Variants in NEDD4L observed in about 807,000 individuals in gnomAD.
The protein encoded by NEDD4L is NEDD4 like E3 ubiquitin protein ligase.
Under a neutral mutation model 148.9 loss-of-function variants are expected in NEDD4L, and 54 were observed. The ratio of observed to expected loss-of-function variants is 0.36; its 90% confidence interval spans 0.29 to 0.45. The LOEUF (loss-of-function observed/expected upper bound fraction) is 0.45. Among genes scored for constraint, NEDD4L ranks in the 20% least tolerant of loss-of-function variants. The pLI, the probability that NEDD4L is intolerant of heterozygous loss-of-function variation, is 1.00. For synonymous variants in NEDD4L, 433 were observed against 440.7 expected, an observed-to-expected ratio of 0.98 and a Z score of 0.22; for missense variants, 856 against 1,233.8, an observed-to-expected ratio of 0.69 and a Z score of 4.59.
chr18:58,223,306 A>G (rs2043975455), intron 2 of NEDD4L, among the ~76,000 whole-genome samples: 1 of 152,138 alleles, frequency 6.6e-6, no homozygotes, highest in Admixed American at 6.5e-5. Context: ...AAAACGACAC[A>G]TTTGGGACAT....
At chr18:58,271,580 G>A (rs2051048209) in intron 5 of NEDD4L, among the ~76,000 whole-genome samples, 1 of 152,058 alleles carries the variant, frequency 6.6e-6, no homozygotes, top group African/African-American at 2.4e-5. Context: ...AAGAAATTAA[G>A]GATTATTTTA....
chr18:58,173,361 A>G (rs1245502443), intron 2 of NEDD4L, among the ~76,000 whole-genome samples: 1 of 152,236 alleles, frequency 6.6e-6, no homozygotes, highest in Non-Finnish European at 1.5e-5. Flanking sequence ...AGGTTGCAAG[A>G]CATTCATTCA....
chr18:58,214,724 T>C (rs1222129270), intron 2 of NEDD4L, among the ~76,000 whole-genome samples: 2 of 151,692 alleles, frequency 1.3e-5, no homozygotes, highest in African/African-American at 2.4e-5. Flanking sequence ...TTTCTCTAAT[T>C]AATAGATCTA....
rs1175104478 is a variant in NEDD4L at position 58,398,611 on chromosome 18, C to T, written c.*2342C>T. ...AATTGTGAGTGACACCTCAGTTCAT[C>T]AACCCCTTAATAATATCAGCTTAAT... On this transcript the variant is annotated 3_prime_UTR_variant, in exon 31 of 31. Coordinates refer to ENST00000400345, the MANE Select transcript of NEDD4L (RefSeq NM_001144967.3). 1 of 152,226 alleles carries T rather than the reference C, an allele frequency of 6.6e-6. No individual in the cohort carries two copies. The highest frequency in any genetic ancestry group is 1.5e-5 in the Non-Finnish European group (1 of 68,048). The allele number at this position is 152,226 out of a possible 1,614,324, so 9.4% of individuals were successfully genotyped here.
At chr18:58,131,556 T>G (rs1417762066) in intron 1 of NEDD4L, among the ~76,000 whole-genome samples, 5 of 137,730 alleles carry the variant, frequency 3.6e-5, no homozygotes, top group Non-Finnish European at 3.1e-5. Flanking sequence ...CTGTGGCGGT[T>G]TTGGGCTCTG....
chr18:58,372,285 T>G (rs965169924), intron 23 of NEDD4L: 8 of 147,420 alleles, frequency 5.4e-5, no homozygotes, highest in Admixed American at 4.1e-4. Context: ...GCTAATTTCT[T>G]TTTTTTTTTT....
chr18:58,232,891 G>A lies in NEDD4L; in HGVS notation c.123-12536G>A, dbSNP rs141441307. Among the ~76,000 whole-genome samples the A allele has an allele frequency of 5.4e-3, 815 of 152,280 alleles. 3 individuals are homozygous for A. The highest frequency in any genetic ancestry group is 0.015 in the African/African-American group (634 of 41,556). Reference sequence around the variant, plus strand: ...GAATTCTAGGATTTCACAGGTAGGCGTGTGTTTTGGACTGCAGGCTGAACG... The same window carrying A: ...GAATTCTAGGATTTCACAGGTAGGCATGTGTTTTGGACTGCAGGCTGAACG... On this transcript the variant is annotated intron_variant, in intron 2 of 30. Transcript: ENST00000400345.
intron 18 of NEDD4L, 123 bp downstream of exon 18, chr18:58,351,168 A>C (rs1011636931): frequency 4.6e-6 from 7 of 1,515,186 alleles, no homozygotes; most frequent in Non-Finnish European, 3.6e-6. Flanking sequence ...TATGTGGAGA[A>C]AATGATACCA....
At chr18:58,140,624 A>C (rs779950575) in intron 1 of NEDD4L, among the ~76,000 whole-genome samples, 4 of 152,228 alleles carry the variant, frequency 2.6e-5, no homozygotes, top group Non-Finnish European at 5.9e-5. Flanking sequence ...CTTTATAGTA[A>C]TGAGTGGATT....
chr18:58,171,747 C>T (rs1221431934), intron 2 of NEDD4L, among the ~76,000 whole-genome samples: 1 of 152,226 alleles, frequency 6.6e-6, no homozygotes, highest in Admixed American at 6.5e-5. Flanking sequence ...GCATCTCTCC[C>T]AAGCATCTAG....
chr18:58,151,959 A>G (rs2034825110), intron 1 of NEDD4L, among the ~76,000 whole-genome samples: 1 of 152,150 alleles, frequency 6.6e-6, no homozygotes, highest in African/African-American at 2.4e-5. Flanking sequence ...GTGTGATGAA[A>G]TGGAGCATCA....
Position 58,213,969 on chromosome 18 carries a change from G to T in NEDD4L, c.123-31458G>T, listed in dbSNP as rs565592778. ...CCCCTTTTTCACTGGAATGTGCCAG[G>T]TTGAAGCAATATGTAGGGCCCGGTG... On this transcript the variant is annotated intron_variant, in intron 2 of 30. Transcript: ENST00000400345. Among the ~76,000 whole-genome samples the T allele has an allele frequency of 7.9e-5, 12 of 152,282 alleles. No individual in the cohort carries two copies. In the East Asian group the frequency reaches 1.7e-3, roughly 22 times the overall value.
intron 1 of NEDD4L, among the ~76,000 whole-genome samples, chr18:58,055,270 A>G (rs1009981316): frequency 3.9e-5 from 6 of 152,202 alleles, no homozygotes; most frequent in Non-Finnish European, 8.8e-5. Context: ...CAGCCTGGGC[A>G]ACATAGTGAG....
intron 1 of NEDD4L, among the ~76,000 whole-genome samples, chr18:58,155,959 T>C (rs2035437692): frequency 6.6e-6 from 1 of 152,218 alleles, no homozygotes; most frequent in African/African-American, 2.4e-5. Flanking sequence ...TCTCGATGTC[T>C]AATGAGACAG....
intron 1 of NEDD4L, among the ~76,000 whole-genome samples, chr18:58,119,991 GC>G (rs1481639976): frequency 8.5e-5 from 13 of 152,192 alleles, no homozygotes; most frequent in South Asian, 6.2e-4. Context: ...TGTGGAGCAA[GC>G]CATCTGATAA....
At chr18:58,166,328 C>A (rs1225981367) in intron 2 of NEDD4L, among the ~76,000 whole-genome samples, 1 of 152,168 alleles carries the variant, frequency 6.6e-6, no homozygotes, top group African/African-American at 2.4e-5. Context: ...CTAGAAGTAC[C>A]AGCAGGGAAG....
chr18:58,068,478 CATG>C (rs2082719756), intron 1 of NEDD4L, among the ~76,000 whole-genome samples: 1 of 152,176 alleles, frequency 6.6e-6, no homozygotes, highest in Admixed American at 6.5e-5. Flanking sequence ...GGATTACAGG[CATG>C]AGCCACCGCT....
At chr18:58,045,254 C>G (rs2081522629) in intron 1 of NEDD4L, 1 of 397,316 alleles carries the variant, frequency 2.5e-6, no homozygotes, top group African/African-American at 2.1e-5. Flanking sequence ...TGTCCCTCCC[C>G]TCGTTTTGCA....
At chr18:58,384,885 G>A (rs947585421) in intron 25 of NEDD4L, among the ~76,000 whole-genome samples, 4 of 152,208 alleles carry the variant, frequency 2.6e-5, no homozygotes, top group Admixed American at 6.5e-5. Context: ...TTTGCCTTGC[G>A]ATCAGTTTTG....
Sources: gnomAD v4.1 joint callset for allele counts (sites outside exome capture counted in the v4.1 genomes callset) on GRCh38, gnomAD v4.1.1 for gene constraint, MANE v1.5 for transcripts, NCBI Gene and HGNC (gene_info 2026-07-23, HGNC 2026-07-21) for gene names.